COMMD10: variants seen among roughly 807,000 people sequenced by gnomAD.
COMMD10 encodes COMM domain containing 10.
A neutral mutation model predicts 28.9 loss-of-function variants in COMMD10; 33 were observed. The observed-to-expected ratio is 1.14, with a 90% confidence interval of 0.87 to 1.53. The LOEUF is 1.53. COMMD10 is among the 40% of genes most tolerant of loss of function. The pLI is 0.00. For missense variants in COMMD10, 310 were observed against 233.4 expected, an observed-to-expected ratio of 1.33 and a Z score of -2.14; for synonymous variants, 110 against 81.7, an observed-to-expected ratio of 1.35 and a Z score of -1.87.
chr5:116,243,739 A>G (rs1337475489), intron 5 of COMMD10, among the ~76,000 whole-genome samples: 1 of 152,180 alleles, frequency 6.6e-6, no homozygotes, highest in African/African-American at 2.4e-5. Context: ...AGTAGTATGT[A>G]GAATCAGCTT....
At chr5:116,151,770 A>G (rs1319054099) in intron 5 of COMMD10, among the ~76,000 whole-genome samples, 2 of 151,888 alleles carry the variant, frequency 1.3e-5, no homozygotes, top group Admixed American at 6.6e-5. Context: ...AGTCTTGCTA[A>G]TGGTCTATCA....
intron 5 of COMMD10, among the ~76,000 whole-genome samples, chr5:116,139,719 A>G (rs1234074726): frequency 2.0e-5 from 3 of 151,762 alleles, no homozygotes; most frequent in Non-Finnish European, 4.4e-5. Context: ...TAATTCAAAT[A>G]TAAATAAAAT....
chr5:116,111,366 T>C (rs1398850997), intron 4 of COMMD10, among the ~76,000 whole-genome samples: 1 of 151,342 alleles, frequency 6.6e-6, no homozygotes, highest in Non-Finnish European at 1.5e-5. Context: ...GTTAGGTTGT[T>C]AATTTGCAAT....
intron 5 of COMMD10, among the ~76,000 whole-genome samples, chr5:116,241,317 G>C (rs1335892431): frequency 6.6e-6 from 1 of 152,116 alleles, no homozygotes; most frequent in Non-Finnish European, 1.5e-5. Context: ...GTTAGACCCT[G>C]GAGCAAAATC....
At chr5:116,089,319 A>G (rs1434889551) in intron 2 of COMMD10, among the ~76,000 whole-genome samples, 1 of 152,238 alleles carries the variant, frequency 6.6e-6, no homozygotes, top group Non-Finnish European at 1.5e-5. Flanking sequence ...TAACACAGCT[A>G]GCTAGTTGGG....
chr5:116,250,215 AC>A (rs1361849835), intron 5 of COMMD10, among the ~76,000 whole-genome samples: 1 of 151,764 alleles, frequency 6.6e-6, no homozygotes, highest in East Asian at 1.9e-4. Flanking sequence ...TTGTAAGGAG[AC>A]TTTTGAACCT....
intron 5 of COMMD10, among the ~76,000 whole-genome samples, chr5:116,260,854 T>G (rs1750422332): frequency 1.3e-5 from 2 of 151,788 alleles, no homozygotes; most frequent in Non-Finnish European, 2.9e-5. Context: ...TAAGAAAATA[T>G]TTACATAGGG....
At chr5:116,092,247 T>C (rs1187388584) in intron 3 of COMMD10, among the ~76,000 whole-genome samples, 1 of 152,198 alleles carries the variant, frequency 6.6e-6, no homozygotes, top group Non-Finnish European at 1.5e-5. Context: ...TAGGGTACCA[T>C]TTACATAGCC....
chr5:116,089,847 AG>A (rs1283247277), intron 2 of COMMD10, among the ~76,000 whole-genome samples: 4 of 152,194 alleles, frequency 2.6e-5, no homozygotes, highest in Non-Finnish European at 4.4e-5. Context: ...GTACAGTTTC[AG>A]GGGATCTTCT....
intron 5 of COMMD10, among the ~76,000 whole-genome samples, chr5:116,265,423 C>T (rs1001092961): frequency 6.6e-6 from 1 of 151,630 alleles, no homozygotes; most frequent in Non-Finnish European, 1.5e-5. Context: ...TTACACACTT[C>T]CCAAAAAGTA....
intron 5 of COMMD10, among the ~76,000 whole-genome samples, chr5:116,219,293 T>G (rs1749183168): frequency 6.6e-6 from 1 of 152,150 alleles, no homozygotes; most frequent in Non-Finnish European, 1.5e-5. Context: ...GTTTTCTCCC[T>G]TTCCCTTCCC....
chr5:116,132,457 C>A (rs894057799), intron 4 of COMMD10, among the ~76,000 whole-genome samples: 7 of 152,164 alleles, frequency 4.6e-5, no homozygotes, highest in African/African-American at 1.4e-4. Context: ...TGCATCATCT[C>A]TATGCAGTGC....
rs1238250061 is a variant in COMMD10 at position 116,292,841 on chromosome 5, A to G, written c.*352A>G. 4 of 395,342 alleles carry G rather than the reference A, an allele frequency of 1.0e-5. 1 individual carries two copies. Among genetic ancestry groups the G allele is most frequent in the African/African-American group, 8.2e-5 (4 of 48,652 alleles). The allele number at this position is 395,342 out of a possible 1,614,324, so 24.5% of individuals were successfully genotyped here. ...TACCATAATGTATCAAGGAGCGTCCATGGATACAAGATAAGATGTGTACCT... is the reference window on the plus strand; with the variant it reads ...TACCATAATGTATCAAGGAGCGTCCGTGGATACAAGATAAGATGTGTACCT... On this transcript the variant is annotated 3_prime_UTR_variant, in exon 7 of 7. Coordinates refer to ENST00000274458, the MANE Select transcript of COMMD10 (RefSeq NM_016144.4).
At chr5:116,266,677 C>T (rs1750592888) in intron 5 of COMMD10, among the ~76,000 whole-genome samples, 2 of 151,702 alleles carry the variant, frequency 1.3e-5, no homozygotes, top group African/African-American at 4.9e-5. Flanking sequence ...CCCTGATGAA[C>T]ATCGATGCAA....
In COMMD10 at chr5:116,232,364, T is replaced by C. The variant is rs193081339; in HGVS notation, c.511-59153T>C. On this transcript the variant is annotated intron_variant, in intron 5 of 6. Transcript: ENST00000274458. ...ACTGTCCTAAAAAAAAAAAGGCTTT[T>C]AAATTGAAATATCAAAATCATGATT... Among the ~76,000 whole-genome samples, 86 of 151,928 alleles carry C rather than the reference T, an allele frequency of 5.7e-4. 1 individual carries two copies. In the East Asian group the frequency reaches 0.014, roughly 25 times the overall value.
chr5:116,282,912 A>G (rs1218219493), intron 5 of COMMD10, among the ~76,000 whole-genome samples: 2 of 151,956 alleles, frequency 1.3e-5, no homozygotes, highest in African/African-American at 4.9e-5. Context: ...AGACCATAAC[A>G]GAGCCTAAAC....
At chr5:116,139,849 A>G (rs1377605983) in intron 5 of COMMD10, among the ~76,000 whole-genome samples, 5 of 151,758 alleles carry the variant, frequency 3.3e-5, no homozygotes, top group African/African-American at 1.2e-4. Flanking sequence ...TAAGAAAATT[A>G]ACCCACCCAT....
chr5:116,219,552 G>A (rs979400707), intron 5 of COMMD10, among the ~76,000 whole-genome samples: 2 of 152,124 alleles, frequency 1.3e-5, no homozygotes, highest in Non-Finnish European at 2.9e-5. Context: ...CTGGGATAAT[G>A]GCCACAAGTC....
intron 5 of COMMD10, among the ~76,000 whole-genome samples, chr5:116,178,704 C>G (rs1160969445): frequency 6.6e-6 from 1 of 151,988 alleles, no homozygotes; most frequent in African/African-American, 2.4e-5. Context: ...CTAGATGGGC[C>G]TTTTGCAGTT....
Sources: gnomAD v4.1 joint callset for allele counts (sites outside exome capture counted in the v4.1 genomes callset) on GRCh38, gnomAD v4.1.1 for gene constraint, MANE v1.5 for transcripts, NCBI Gene and HGNC (gene_info 2026-07-23, HGNC 2026-07-21) for gene names.